The following NRG3 variants were observed in gnomAD, a reference collection of about 807,000 sequenced individuals.
NRG3 encodes pro-neuregulin-3, membrane-bound isoform.
In NRG3, 31 loss-of-function variants were observed where a neutral mutation model predicts 66.9. The observed-to-expected ratio is 0.46, with a 90% CI of 0.35 to 0.63. The LOEUF (loss-of-function observed/expected upper bound fraction) is 0.63. Among genes scored for constraint, NRG3 ranks in the 20% least tolerant of loss-of-function variants. The pLI is 0.00. For synonymous variants in NRG3, 393 were observed against 359.4 expected, an observed-to-expected ratio of 1.09 and a Z score of -1.06; for missense variants, 910 against 878.9, an observed-to-expected ratio of 1.04 and a Z score of -0.45.
chr10:82,270,702 T>C (rs749264659), intron 1 of NRG3, among the ~76,000 whole-genome samples: 2 of 152,070 alleles, frequency 1.3e-5, no homozygotes, highest in African/African-American at 2.4e-5. Context: ...GGTAGCTGCT[T>C]AGAGAGATGA....
At chr10:82,324,617 T>C (rs1200988340) in intron 1 of NRG3, among the ~76,000 whole-genome samples, 1 of 152,170 alleles carries the variant, frequency 6.6e-6, no homozygotes, top group Non-Finnish European at 1.5e-5. Flanking sequence ...ATATGCTCTG[T>C]TTTTATTTTC....
intron 4 of NRG3, among the ~76,000 whole-genome samples, chr10:82,946,099 G>T (rs1196036731): frequency 6.6e-6 from 1 of 151,618 alleles, no homozygotes; most frequent in African/African-American, 2.4e-5. Flanking sequence ...ATAATGATGA[G>T]CCAAATGAGT....
chr10:82,442,840 G>A (rs2136461457), intron 2 of NRG3, among the ~76,000 whole-genome samples: 1 of 136,252 alleles, frequency 7.3e-6, no homozygotes, highest in Admixed American at 8.1e-5. Flanking sequence ...CATCGAGGAG[G>A]CAGGTGCATA....
intron 3 of NRG3, among the ~76,000 whole-genome samples, chr10:82,777,536 G>A (rs1213548490): frequency 6.6e-6 from 1 of 152,144 alleles, no homozygotes; most frequent in Non-Finnish European, 1.5e-5. Context: ...CTAAGCTAGG[G>A]TGGTGACTCT....
chr10:82,821,251 T>A (rs1425899801), intron 3 of NRG3, among the ~76,000 whole-genome samples: 1 of 152,164 alleles, frequency 6.6e-6, no homozygotes, highest in Non-Finnish European at 1.5e-5. Flanking sequence ...CACTTCCCTT[T>A]TCCAGCCCTA....
At chr10:82,247,906 T>C (rs950830165) in intron 1 of NRG3, among the ~76,000 whole-genome samples, 2 of 152,196 alleles carry the variant, frequency 1.3e-5, no homozygotes, top group African/African-American at 4.8e-5. Context: ...TCTGCAAAGA[T>C]GGTTTACCTT....
intron 1 of NRG3, among the ~76,000 whole-genome samples, chr10:82,026,150 C>T (rs2062295379): frequency 6.6e-6 from 1 of 151,924 alleles, no homozygotes. Context: ...AATGAAAAGA[C>T]CCCATAACAA....
chr10:81,939,733 T>A (rs1282504961), intron 1 of NRG3, among the ~76,000 whole-genome samples: 1 of 151,646 alleles, frequency 6.6e-6, no homozygotes, highest in Non-Finnish European at 1.5e-5. Context: ...CTTACTCTTG[T>A]TGATTTTTTC....
intron 2 of NRG3, among the ~76,000 whole-genome samples, chr10:82,643,948 T>C (rs1315427036): frequency 1.3e-5 from 2 of 151,756 alleles, no homozygotes. Flanking sequence ...TGTTTGATCC[T>C]TGACTAACCA....
At chr10:82,244,356 G>T (rs960841401) in intron 1 of NRG3, among the ~76,000 whole-genome samples, 1 of 152,176 alleles carries the variant, frequency 6.6e-6, no homozygotes, top group Non-Finnish European at 1.5e-5. Flanking sequence ...GATTGTAAGA[G>T]AAATCTAGAA....
intron 3 of NRG3, among the ~76,000 whole-genome samples, chr10:82,782,360 A>G (rs1490485705): frequency 6.6e-6 from 1 of 152,092 alleles, no homozygotes; most frequent in African/African-American, 2.4e-5. Flanking sequence ...TTGCTGTGCA[A>G]TAATGTAGCA....
In NRG3 at chr10:82,985,370, G is replaced by A. The variant is rs758096403; in HGVS notation, c.1856G>A (p.Cys619Tyr). Residue 619 changes from cysteine (C) to tyrosine (Y), a missense_variant, in exon 9 of 9, where the codon TGT becomes TAT. Physicochemically the swap from Cys to Tyr is radical, Grantham distance 194. Transcript: ENST00000372141. ...AATGTGAGTATTCCAGTCAGCGATT[G>A]TCTTATAGCAGAACAACAAGAAGTG... is the stretch of plus-strand genomic sequence containing the variant. Reference protein sequence around the residue: ...VVNVSIPVSDCLIAEQQEVKI... With the variant: ...VVNVSIPVSDYLIAEQQEVKI... 5.0e-6 allele frequency: 8 copies of A among 1,614,028 alleles called. No homozygotes were observed. In the East Asian group the frequency reaches 1.6e-4, roughly 31 times the overall value.
chr10:81,893,605 A>C (rs138320569), intron 1 of NRG3, among the ~76,000 whole-genome samples: 2 of 152,370 alleles, frequency 1.3e-5, no homozygotes, highest in East Asian at 3.9e-4. Flanking sequence ...TTTGCATTTC[A>C]TTAGCAGCAA....
Position 82,852,724 on chromosome 10 carries a change from G to A in NRG3, c.1028-12687G>A, listed in dbSNP as rs564655343. ...TAGAAATTTCTAAATTCATCCATACGTAGCTTCTGACATCTGCAGACCACA... is the reference window on the plus strand; with the variant it reads ...TAGAAATTTCTAAATTCATCCATACATAGCTTCTGACATCTGCAGACCACA... On this transcript the variant is annotated intron_variant, in intron 3 of 8. Coordinates refer to ENST00000372141, the MANE Select transcript of NRG3 (RefSeq NM_001010848.4). 5.9e-5 allele frequency among the ~76,000 whole-genome samples: 9 copies of A among 152,298 alleles called. No homozygotes were observed. The South Asian group carries it at 1.2e-3, about 21-fold the overall frequency.
intron 2 of NRG3, among the ~76,000 whole-genome samples, chr10:82,389,038 T>C (rs1277763740): frequency 1.3e-5 from 2 of 152,182 alleles, no homozygotes; most frequent in African/African-American, 4.8e-5. Context: ...GAGAAAATAC[T>C]AGAACTACTC....
In NRG3 at chr10:82,288,238, A is replaced by G. The variant is rs1002550120; in HGVS notation, c.824-70501A>G. Among the ~76,000 whole-genome samples, 24 of 152,202 alleles carry G rather than the reference A, an allele frequency of 1.6e-4. 1 individual carries two copies. Among genetic ancestry groups the G allele is most frequent in the Admixed American group, 1.5e-3 (23 of 15,278 alleles). Reference sequence around the variant, plus strand: ...TTACTGTTTATTGAGAGGCTGTTGTATGCTACCCTTTTCACTTACATTAAT... The same window carrying G: ...TTACTGTTTATTGAGAGGCTGTTGTGTGCTACCCTTTTCACTTACATTAAT... On this transcript the variant is annotated intron_variant, in intron 1 of 8. Coordinates refer to ENST00000372141, the MANE Select transcript of NRG3 (RefSeq NM_001010848.4).
intron 2 of NRG3, among the ~76,000 whole-genome samples, chr10:82,544,621 A>G (rs1012453134): frequency 6.6e-6 from 1 of 152,130 alleles, no homozygotes; most frequent in Non-Finnish European, 1.5e-5. Flanking sequence ...TTTCAGCAGG[A>G]GGGTGAGAGA....
chr10:82,579,821 G>A (rs1232510747), intron 2 of NRG3, among the ~76,000 whole-genome samples: 2 of 151,798 alleles, frequency 1.3e-5, no homozygotes, highest in Non-Finnish European at 2.9e-5. Flanking sequence ...ACATAAAAAA[G>A]TAATCATTGG....
chr10:82,801,093 C>T (rs896235685), intron 3 of NRG3, among the ~76,000 whole-genome samples: 10 of 152,146 alleles, frequency 6.6e-5, no homozygotes, highest in Non-Finnish European at 1.0e-4. Context: ...CTTCAAATGA[C>T]TGAGTCCTGG....
Sources: allele counts gnomAD v4.1 joint callset (sites outside exome capture counted in the v4.1 genomes callset), GRCh38; gene constraint gnomAD v4.1.1; transcripts MANE v1.5; gene names NCBI Gene and HGNC (gene_info 2026-07-23, HGNC 2026-07-21).